OXR1: variants seen among roughly 807,000 people sequenced by gnomAD.
OXR1 encodes oxidation resistance 1, also known as oxidation resistance protein 1.
OXR1 carries 41 observed loss-of-function variants against 104.6 expected under a neutral mutation model. The ratio of observed to expected loss-of-function variants is 0.39; its 90% confidence interval spans 0.31 to 0.51. The LOEUF is 0.51. Among genes scored for constraint, OXR1 ranks in the 20% least tolerant of loss-of-function variants. OXR1 has a pLI of 0.77. For synonymous variants in OXR1, 348 were observed against 348.4 expected (o/e 1.00, Z 0.01); for missense variants, 955 against 1,031.9 (o/e 0.93, Z 1.02).
intron 2 of OXR1, among the ~76,000 whole-genome samples, chr8:106,493,844 T>A (rs1811254382): frequency 6.6e-6 from 1 of 152,196 alleles, no homozygotes; most frequent in Non-Finnish European, 1.5e-5. Context: ...AAAATAGCTC[T>A]GTGAAGCAGT....
At chr8:106,576,424 A>C (rs1817836126) in intron 3 of OXR1, among the ~76,000 whole-genome samples, 1 of 148,280 alleles carries the variant, frequency 6.7e-6, no homozygotes. Context: ...TAACAAATAG[A>C]ATTATACAGT....
At chr8:106,473,616 T>C (rs1821636282) in intron 2 of OXR1, among the ~76,000 whole-genome samples, 1 of 151,926 alleles carries the variant, frequency 6.6e-6, no homozygotes, top group South Asian at 2.1e-4. Context: ...AAGAGCCATG[T>C]GATATGATCT....
chr8:106,374,932 G>A (rs915628039), intron 2 of OXR1, among the ~76,000 whole-genome samples: 1 of 152,174 alleles, frequency 6.6e-6, no homozygotes, highest in African/African-American at 2.4e-5. Context: ...GACTCCCGCT[G>A]TAATTGAAAA....
chr8:106,627,168 A>C (rs899867959), intron 3 of OXR1, among the ~76,000 whole-genome samples: 1 of 152,186 alleles, frequency 6.6e-6, no homozygotes, highest in Non-Finnish European at 1.5e-5. Context: ...TTCAAAAGAA[A>C]ACTTGGTTTC....
intron 2 of OXR1, among the ~76,000 whole-genome samples, chr8:106,404,120 T>C (rs1256079000): frequency 1.3e-5 from 2 of 152,086 alleles, no homozygotes; most frequent in Non-Finnish European, 1.5e-5. Flanking sequence ...CTTGAGGTTG[T>C]TGGGGGACAA....
At chr8:106,422,819 G>C (rs1471186492) in intron 2 of OXR1, among the ~76,000 whole-genome samples, 1 of 152,104 alleles carries the variant, frequency 6.6e-6, no homozygotes, top group Non-Finnish European at 1.5e-5. Flanking sequence ...TCTTCTCTTT[G>C]ACATGAAAGC....
At position 106,646,105 on chromosome 8, in the gene OXR1, CT is replaced by C. The variant is rs373960800; in HGVS notation, c.221-33095del. ...GTTCATCTTCTTTTTTCTCTATTAT[CT>C]TTTTTTTTTCTTTTTTTGAGACAGA... On this transcript the variant is annotated intron_variant, in intron 3 of 16. Transcript: ENST00000517566. 1.7e-4 allele frequency among the ~76,000 whole-genome samples: 26 copies of C among 149,414 alleles called. 2 individuals are homozygous for C. The highest frequency in any genetic ancestry group is 4.2e-4 in the African/African-American group (17 of 40,710).
chr8:106,622,619 C>G (rs1368202275), intron 3 of OXR1, among the ~76,000 whole-genome samples: 1 of 152,118 alleles, frequency 6.6e-6, no homozygotes, highest in African/African-American at 2.4e-5. Context: ...CTTGAAGGCT[C>G]TCCTCCTAGA....
At chr8:106,704,336 T>C (rs547889090) in intron 8 of OXR1, among the ~76,000 whole-genome samples, 2 of 150,772 alleles carry the variant, frequency 1.3e-5, no homozygotes, top group African/African-American at 4.9e-5. Context: ...GAGAGAGTCA[T>C]TGGTGAGATT....
intron 2 of OXR1, among the ~76,000 whole-genome samples, chr8:106,487,136 G>A (rs891529201): frequency 6.7e-6 from 1 of 149,904 alleles, no homozygotes; most frequent in Non-Finnish European, 1.5e-5. Context: ...CGATTCTCCT[G>A]CTTCAGCCTC....
Position 106,463,362 on chromosome 8 carries a change from C to T in OXR1, c.24-55581C>T, listed in dbSNP as rs569012119. Among the ~76,000 whole-genome samples, 20 of 152,148 alleles carry T rather than the reference C, an allele frequency of 1.3e-4. No individual in the cohort carries two copies. The East Asian group carries it at 3.5e-3, about 26-fold the overall frequency. On this transcript the variant is annotated intron_variant, in intron 2 of 16. Transcript: ENST00000517566. ...TTTCTCTGTTAAGTCAGGTATCAAT[C>T]GAAGGCAGTATTTCTCAACATGTTA...
intron 1 of OXR1, among the ~76,000 whole-genome samples, chr8:106,291,940 C>T (rs1418498606): frequency 4.6e-5 from 7 of 152,202 alleles, no homozygotes; most frequent in Middle Eastern, 6.8e-3. Flanking sequence ...TTTACCCCCA[C>T]CCCCCAACGG....
intron 2 of OXR1, among the ~76,000 whole-genome samples, chr8:106,397,802 G>GT: frequency 6.6e-6 from 1 of 152,034 alleles, no homozygotes; most frequent in Non-Finnish European, 1.5e-5. Flanking sequence ...CCTTGCATTA[G>GT]TTTTTTGCAG....
At chr8:106,600,337 A>G (rs1218242272) in intron 3 of OXR1, among the ~76,000 whole-genome samples, 1 of 152,180 alleles carries the variant, frequency 6.6e-6, no homozygotes. Context: ...GTGGCTCTCC[A>G]GTTTTCTCCC....
At chr8:106,329,238 C>CA (rs1814610485) in intron 1 of OXR1, among the ~76,000 whole-genome samples, 1 of 151,796 alleles carries the variant, frequency 6.6e-6, no homozygotes, top group Admixed American at 6.6e-5. Flanking sequence ...GTGATCCGCC[C>CA]ACCTCGCCCT....
intron 2 of OXR1, among the ~76,000 whole-genome samples, chr8:106,418,378 C>A (rs1283037545): frequency 6.6e-6 from 1 of 152,036 alleles, no homozygotes; most frequent in Non-Finnish European, 1.5e-5. Context: ...TTGCCCTGTT[C>A]ATTGCTGAGC....
chr8:106,481,468 AT>A (rs1292839793), intron 2 of OXR1, among the ~76,000 whole-genome samples: 3 of 152,042 alleles, frequency 2.0e-5, no homozygotes, highest in Admixed American at 1.3e-4. Flanking sequence ...TGGTTCTCCA[AT>A]AAAGTGTTTT....
intron 2 of OXR1, among the ~76,000 whole-genome samples, chr8:106,456,603 G>A (rs149322559): frequency 6.6e-6 from 1 of 151,984 alleles, no homozygotes; most frequent in African/African-American, 2.4e-5. Context: ...ACTATTGTGG[G>A]TTTTTTTTCT....
intron 2 of OXR1, among the ~76,000 whole-genome samples, chr8:106,497,763 G>A (rs1371725976): frequency 2.0e-5 from 3 of 150,498 alleles, no homozygotes; most frequent in Non-Finnish European, 3.0e-5. Flanking sequence ...AAGGTTTATG[G>A]TAGAAAAATT....
Sources: allele counts gnomAD v4.1 joint callset (sites outside exome capture counted in the v4.1 genomes callset), GRCh38; gene constraint gnomAD v4.1.1; transcripts MANE v1.5; gene names NCBI Gene and HGNC (gene_info 2026-07-23, HGNC 2026-07-21).